The following LCA5L variants were observed in gnomAD, a reference collection of about 807,000 sequenced individuals.
LCA5L encodes lebercilin LCA5 like, also known as lebercilin-like protein.
Under a neutral mutation model 45.4 loss-of-function variants are expected in LCA5L, and 35 were observed. The ratio of observed to expected loss-of-function variants is 0.77; its 90% CI spans 0.59 to 1.02. The LOEUF is 1.02. Ranked by LOEUF, LCA5L falls within the 50% of genes least tolerant of loss-of-function variation. The pLI is 0.00. For synonymous variants in LCA5L, 233 were observed against 264.7 expected (o/e 0.88, Z 1.16); for missense variants, 668 against 761.6 (o/e 0.88, Z 1.45).
At position 39,440,922 on chromosome 21, in the gene LCA5L, A is replaced by G. The variant is rs541301561; in HGVS notation, c.-246+3213T>C. ...TGGTATTATATAGCTAAGATAATCA[A>G]TATCTTACGGTTTTCAAGAACATTA... On this transcript the variant is annotated intron_variant, in intron 2 of 10. Coordinates refer to ENST00000288350, the MANE Select transcript of LCA5L (RefSeq NM_152505.4). 4.3e-4 allele frequency among the ~76,000 whole-genome samples: 65 copies of G among 152,356 alleles called. No individual in the cohort carries two copies. The South Asian group carries it at 7.9e-3, about 18-fold the overall frequency.
intron 5 of LCA5L, among the ~76,000 whole-genome samples, chr21:39,423,817 C>CT (rs2074158343): frequency 6.6e-6 from 1 of 152,090 alleles, no homozygotes; most frequent in African/African-American, 2.4e-5. Flanking sequence ...TTCTTTGACT[C>CT]TAAAATCTGT....
At chr21:39,422,689 G>A (rs913545139) in intron 6 of LCA5L, 1 of 496,700 alleles carries the variant, frequency 2.0e-6, no homozygotes, top group South Asian at 4.0e-5. Context: ...TAGCACTGTA[G>A]CTGTGCTCTC....
Position 39,411,793 on chromosome 21 carries a change from G to A in LCA5L, c.985C>T (p.Arg329Cys), listed in dbSNP as rs749068083. Residue 329 changes from arginine to cysteine, a missense_variant, in exon 8 of 11, where the codon CGT becomes TGT. Coordinates refer to ENST00000288350, the MANE Select transcript of LCA5L (RefSeq NM_152505.4). ...TAGATGTTTTTAATTTCAAGCTCAC[G>A]ATCCTTTTCCTAAAAAGAACCACAA... is the stretch of plus-strand genomic sequence containing the variant. ...HLQQKLKEKD[R>C]ELEIKNIYSH... 3.2e-6 allele frequency: 5 copies of A among 1,580,644 alleles called. No homozygotes were observed. Among genetic ancestry groups the A allele is most frequent in the South Asian group, 2.3e-5 (2 of 85,246 alleles).
chr21:39,445,336 G>T (rs904528639), intron 1 of LCA5L: 1 of 152,328 alleles, frequency 6.6e-6, no homozygotes, highest in Non-Finnish European at 1.5e-5. Flanking sequence ...AAAATCGGAG[G>T]TCAGATAGAA....
Position 39,406,357 on chromosome 21 carries a change from T to C in LCA5L, c.1538A>G (p.Tyr513Cys), listed in dbSNP as rs747789050. Residue 513 changes from tyrosine to cysteine, a missense_variant, in exon 11 of 11, where the codon TAC becomes TGC. By Grantham distance (194) the Tyr-to-Cys change is radical (BLOSUM62 -2). Transcript: ENST00000288350. The stretch of plus-strand genomic sequence containing the variant: ...TCTTTGTCTGAGGGGGCCTTTCGTG[T>C]AGGGAGCAGTGCCTTTGCCAAGTGT... ...DDTLGKGTAPYTKGPLRQRRH... is the reference protein window; with the variant it reads ...DDTLGKGTAPCTKGPLRQRRH... The C allele has an allele frequency of 5.6e-6, 9 of 1,614,082 alleles. No individual in the cohort carries two copies. In the South Asian group the frequency reaches 7.7e-5, roughly 14 times the overall value.
intron 5 of LCA5L, 28 bp downstream of exon 5, chr21:39,428,144 G>A (rs1384603838): frequency 7.4e-7 from 1 of 1,352,412 alleles, no homozygotes; most frequent in South Asian, 1.4e-5. Flanking sequence ...CAGAAATTTG[G>A]TCTTGCTTGG....
chr21:39,431,052 G>A (rs977579326), intron 3 of LCA5L, among the ~76,000 whole-genome samples: 6 of 152,248 alleles, frequency 3.9e-5, no homozygotes, highest in African/African-American at 1.4e-4. Context: ...TGGAAATCCT[G>A]TAGAGCCACA....
intron 3 of LCA5L, among the ~76,000 whole-genome samples, chr21:39,431,738 G>C (rs1464731984): frequency 1.3e-5 from 2 of 152,060 alleles, no homozygotes; most frequent in Non-Finnish European, 2.9e-5. Context: ...GGATGGTCTC[G>C]ATCTCTTGAC....
intron 7 of LCA5L, among the ~76,000 whole-genome samples, chr21:39,414,920 T>G (rs2040869156): frequency 6.6e-6 from 1 of 152,182 alleles, no homozygotes; most frequent in South Asian, 2.1e-4. Context: ...ATTATTTTAT[T>G]TATTTTTAGA....
intron 7 of LCA5L, among the ~76,000 whole-genome samples, chr21:39,419,539 A>AAG (rs2041924438): frequency 2.0e-5 from 3 of 151,680 alleles, no homozygotes; most frequent in African/African-American, 7.3e-5. Flanking sequence ...AAAAAAAGAA[A>AAG]AAAGAAAAAA....
chr21:39,406,694 G>A (rs1206060179), intron 10 of LCA5L, 82 bp from the exon 11 acceptor site: 19 of 1,040,774 alleles, frequency 1.8e-5, no homozygotes, highest in South Asian at 6.4e-5. Flanking sequence ...GTACACTTAC[G>A]TGCACCGCCT....
At chr21:39,411,166 A>G in intron 8 of LCA5L, 1 of 302,114 alleles carries the variant, frequency 3.3e-6, no homozygotes, top group Non-Finnish European at 6.5e-6. Flanking sequence ...AGAACAGACA[A>G]CCTAGGCTAT....
chr21:39,410,947 C>T (rs1440646948), intron 8 of LCA5L: 1 of 470,732 alleles, frequency 2.1e-6, no homozygotes, highest in Admixed American at 2.3e-5. Context: ...GGTGAGTATT[C>T]CTATGGTACT....
At chr21:39,422,947 T>TA in intron 6 of LCA5L, 29 bp downstream of exon 6, 2 of 1,599,598 alleles carry the variant, frequency 1.3e-6, no homozygotes, top group African/African-American at 1.4e-5. Context: ...TTTGGAATCT[T>TA]AAACTGTCTG....
intron 7 of LCA5L, among the ~76,000 whole-genome samples, chr21:39,419,153 AC>A (rs1320462558): frequency 6.6e-6 from 1 of 151,026 alleles, no homozygotes; most frequent in African/African-American, 2.4e-5. Context: ...CCAACTCCTC[AC>A]CCCCCACTAT....
At chr21:39,442,214 A>G (rs746073285) in intron 2 of LCA5L, among the ~76,000 whole-genome samples, 18 of 152,196 alleles carry the variant, frequency 1.2e-4, no homozygotes, top group Non-Finnish European at 2.4e-4. Context: ...AGGGAAAAAC[A>G]ATGCAGACAG....
intron 2 of LCA5L, among the ~76,000 whole-genome samples, chr21:39,437,982 C>T (rs1194424198): frequency 6.6e-6 from 1 of 152,052 alleles, no homozygotes; most frequent in African/African-American, 2.4e-5. Context: ...AATGTATTCT[C>T]AATGAAATAC....
At chr21:39,431,680 G>GTTGT (rs2075743509) in intron 3 of LCA5L, among the ~76,000 whole-genome samples, 1 of 152,014 alleles carries the variant, frequency 6.6e-6, no homozygotes, top group Non-Finnish European at 1.5e-5. Context: ...ACCAAGCCCA[G>GTTGT]CTAATTTTTG....
chr21:39,420,501 T>G (rs2042097969), intron 7 of LCA5L, among the ~76,000 whole-genome samples: 1 of 107,368 alleles, frequency 9.3e-6, no homozygotes, highest in Non-Finnish European at 1.7e-5. Flanking sequence ...CCAGCCTGGG[T>G]GACAGAGCAA....
Sources: gnomAD v4.1 joint callset for allele counts (sites outside exome capture counted in the v4.1 genomes callset) on GRCh38, gnomAD v4.1.1 for gene constraint, MANE v1.5 for transcripts, NCBI Gene and HGNC (gene_info 2026-07-23, HGNC 2026-07-21) for gene names.